The following KALRN variants were observed in gnomAD, a reference collection of about 807,000 sequenced individuals.
The protein encoded by KALRN is kalirin.
KALRN carries 70 observed loss-of-function variants against 353.7 expected under a neutral mutation model. The ratio of observed to expected loss-of-function variants is 0.20; its 90% CI spans 0.16 to 0.24. The LOEUF (loss-of-function observed/expected upper bound fraction) is 0.24. KALRN is among the 10% of genes least tolerant of loss of function. KALRN has a pLI of 1.00. For missense variants in KALRN, 2,791 were observed against 3,756.7 expected, an observed-to-expected ratio of 0.74 and a Z score of 6.72; for synonymous variants, 1,391 against 1,434.8, an observed-to-expected ratio of 0.97 and a Z score of 0.69.
intron 1 of KALRN, chr3:124,152,187 C>G: frequency 6.4e-7 from 1 of 1,566,020 alleles, no homozygotes; most frequent in Non-Finnish European, 8.7e-7. Context: ...TGTTATCTGT[C>G]AAAGCAATTC....
intron 6 of KALRN, among the ~76,000 whole-genome samples, chr3:124,303,940 A>G (rs1320332858): frequency 4.6e-5 from 7 of 152,130 alleles, no homozygotes; most frequent in Admixed American, 4.6e-4. Context: ...GGTATGAGAA[A>G]AATCAAGATT....
At chr3:124,240,934 AG>A (rs1206005015) in intron 3 of KALRN, among the ~76,000 whole-genome samples, 2 of 152,232 alleles carry the variant, frequency 1.3e-5, no homozygotes, top group African/African-American at 4.8e-5. Context: ...AAAGGAGGTC[AG>A]TAATAGTAAT....
At chr3:124,397,917 T>C (rs1296107373) in intron 12 of KALRN, among the ~76,000 whole-genome samples, 1 of 152,256 alleles carries the variant, frequency 6.6e-6, no homozygotes, top group African/African-American at 2.4e-5. Flanking sequence ...TCAGGATTAA[T>C]AATTATCCAT....
intron 49 of KALRN, among the ~76,000 whole-genome samples, chr3:124,676,207 A>G (rs1373447251): frequency 6.6e-6 from 1 of 152,216 alleles, no homozygotes; most frequent in African/African-American, 2.4e-5. Flanking sequence ...GAGGGAAGGT[A>G]AAAGGATGTC....
intron 34 of KALRN, among the ~76,000 whole-genome samples, chr3:124,574,245 C>A (rs747026712): frequency 3.1e-4 from 47 of 152,214 alleles, no homozygotes; most frequent in Non-Finnish European, 3.1e-4. Flanking sequence ...AAATACAACT[C>A]AGTGTCGTGC....
intron 34 of KALRN, among the ~76,000 whole-genome samples, chr3:124,602,435 A>G (rs974626050): frequency 6.6e-6 from 1 of 152,182 alleles, no homozygotes; most frequent in Non-Finnish European, 1.5e-5. Context: ...AGAGAAATGG[A>G]TGCTGGGGAG....
chr3:124,637,959 T>G (rs536959057), intron 37 of KALRN, among the ~76,000 whole-genome samples: 4 of 152,304 alleles, frequency 2.6e-5, no homozygotes, highest in African/African-American at 9.6e-5. Context: ...ATAATGCTGG[T>G]GAAAGGGCCC....
chr3:124,294,344 A>C (rs369522833), intron 5 of KALRN, among the ~76,000 whole-genome samples: 65 of 149,644 alleles, frequency 4.3e-4, no homozygotes, highest in African/African-American at 1.5e-3. Context: ...GAATGAATTA[A>C]ATCTACACCC....
intron 3 of KALRN, among the ~76,000 whole-genome samples, chr3:124,242,144 G>T (rs928412071): frequency 2.6e-5 from 4 of 152,190 alleles, no homozygotes; most frequent in Admixed American, 6.5e-5. Flanking sequence ...GATTCACTCT[G>T]GCAACTGAGT....
intron 47 of KALRN, 80 bp from the exon 48 acceptor site, chr3:124,671,580 C>A: frequency 2.1e-6 from 2 of 949,372 alleles, no homozygotes; most frequent in Admixed American, 2.0e-5. Flanking sequence ...ATGCCTAACA[C>A]AAAGCCTTGG....
At chr3:124,164,343 A>G (rs757490457) in intron 1 of KALRN, 4 of 152,236 alleles carry the variant, frequency 2.6e-5, no homozygotes, top group African/African-American at 4.8e-5. Context: ...GCATTTCCAA[A>G]TATAGACTCA....
chr3:124,067,612 T>C (rs1356981369), intron 1 of KALRN, among the ~76,000 whole-genome samples: 1 of 152,222 alleles, frequency 6.6e-6, no homozygotes, highest in Non-Finnish European at 1.5e-5. Context: ...CCCTGACTTC[T>C]AGGTGACATA....
intron 27 of KALRN, among the ~76,000 whole-genome samples, chr3:124,480,057 T>C (rs1318125225): frequency 1.3e-5 from 2 of 152,116 alleles, no homozygotes; most frequent in Non-Finnish European, 2.9e-5. Context: ...ACAGCATGGG[T>C]GTGATGTCTA....
intron 40 of KALRN, 36 bp downstream of exon 40, chr3:124,657,587 T>C (rs2084228649): frequency 6.5e-7 from 1 of 1,548,532 alleles, no homozygotes; most frequent in African/African-American, 1.4e-5. Flanking sequence ...TCCAGTGTCC[T>C]GGGAATCCAG....
chr3:124,128,634 G>T (rs992569250), intron 1 of KALRN, among the ~76,000 whole-genome samples: 1 of 152,112 alleles, frequency 6.6e-6, no homozygotes, highest in African/African-American at 2.4e-5. Context: ...GAAGTAGAAG[G>T]TCTTTTCTGA....
chr3:124,467,731 G>A (rs2060482305), intron 25 of KALRN, among the ~76,000 whole-genome samples: 2 of 152,302 alleles, frequency 1.3e-5, no homozygotes, highest in South Asian at 4.1e-4. Flanking sequence ...ATCCATGTCT[G>A]TAAGACGAGG....
At chr3:124,121,618 C>T (rs1341036043) in intron 1 of KALRN, among the ~76,000 whole-genome samples, 1 of 152,186 alleles carries the variant, frequency 6.6e-6, no homozygotes, top group East Asian at 1.9e-4. Flanking sequence ...CTCTGGGGCC[C>T]ATGGCACCTG....
intron 34 of KALRN, among the ~76,000 whole-genome samples, chr3:124,607,806 C>T (rs1158908436): frequency 1.3e-5 from 2 of 151,850 alleles, no homozygotes; most frequent in African/African-American, 4.8e-5. Flanking sequence ...AGTAGAGACA[C>T]GTTGACCAGG....
At chr3:124,087,682 G>T (rs2060894999) in intron 1 of KALRN, among the ~76,000 whole-genome samples, 1 of 152,124 alleles carries the variant, frequency 6.6e-6, no homozygotes, top group Non-Finnish European at 1.5e-5. Flanking sequence ...GGGGTGCTGG[G>T]ATAGCTGGCA....
Sources: allele counts gnomAD v4.1 joint callset (sites outside exome capture counted in the v4.1 genomes callset), GRCh38; gene constraint gnomAD v4.1.1; transcripts MANE v1.5; gene names NCBI Gene and HGNC (gene_info 2026-07-23, HGNC 2026-07-21).